The following ARHGEF3 variants were observed in gnomAD, a reference collection of about 807,000 sequenced individuals.
The protein encoded by ARHGEF3 is 59.8 kDA protein.
Under a neutral mutation model 63.2 loss-of-function variants are expected in ARHGEF3, and 28 were observed. The observed-to-expected ratio is 0.44, with a 90% CI of 0.33 to 0.61. ARHGEF3 has a LOEUF of 0.61. Ranked by LOEUF, ARHGEF3 falls within the 20% of genes least tolerant of loss-of-function variation. The pLI, the probability that ARHGEF3 is intolerant of heterozygous loss-of-function variation, is 0.03. For missense variants in ARHGEF3, 533 were observed against 659.3 expected, an observed-to-expected ratio of 0.81 and a Z score of 2.10; for synonymous variants, 266 against 254.2, an observed-to-expected ratio of 1.05 and a Z score of -0.44.
At chr3:56,841,165 A>G (rs2039296566) in intron 4 of ARHGEF3, among the ~76,000 whole-genome samples, 1 of 152,188 alleles carries the variant, frequency 6.6e-6, no homozygotes, top group Non-Finnish European at 1.5e-5. Flanking sequence ...AGACCCCTAG[A>G]TTTGCCCACT....
At chr3:56,792,707 A>C (rs1241100117) in intron 1 of ARHGEF3, among the ~76,000 whole-genome samples, 1 of 152,268 alleles carries the variant, frequency 6.6e-6, no homozygotes, top group Non-Finnish European at 1.5e-5. Flanking sequence ...GTCATTATGA[A>C]CAACTTTGGA....
At chr3:56,887,585 T>TA (rs755262685) in intron 3 of ARHGEF3, among the ~76,000 whole-genome samples, 11 of 152,256 alleles carry the variant, frequency 7.2e-5, no homozygotes, top group South Asian at 4.1e-4. Flanking sequence ...TTCCTCTGCA[T>TA]AAAAAACCAC....
At chr3:56,939,794 A>G (rs990995923) in intron 3 of ARHGEF3, 1 of 152,194 alleles carries the variant, frequency 6.6e-6, no homozygotes, top group African/African-American at 2.4e-5. Context: ...CAGGATGATT[A>G]CCTTTTATGA....
chr3:56,932,379 C>CT (rs1057261274), intron 3 of ARHGEF3, among the ~76,000 whole-genome samples: 1 of 152,050 alleles, frequency 6.6e-6, no homozygotes, highest in Non-Finnish European at 1.5e-5. Flanking sequence ...CTCTCAAGTG[C>CT]TTTTTTTCAT....
At chr3:56,977,764 C>T (rs1560102954) in intron 2 of ARHGEF3, among the ~76,000 whole-genome samples, 2 of 152,162 alleles carry the variant, frequency 1.3e-5, no homozygotes, top group South Asian at 2.1e-4. Context: ...CAAATGGGTT[C>T]GGCCTCTAGG....
chr3:56,863,247 C>T (rs1280994299), intron 4 of ARHGEF3, among the ~76,000 whole-genome samples: 1 of 151,768 alleles, frequency 6.6e-6, no homozygotes, highest in Non-Finnish European at 1.5e-5. Context: ...AAGCAGTTCT[C>T]ATGCCTCAGC....
chr3:56,888,903 C>CA (rs61452676), intron 3 of ARHGEF3, among the ~76,000 whole-genome samples: 7,404 of 135,584 alleles, frequency 0.055, 605 homozygotes, highest in African/African-American at 0.18. Context: ...AACTCCATCT[C>CA]AAAAAAAAAC....
chr3:56,865,918 A>T (rs1022364144), intron 4 of ARHGEF3, among the ~76,000 whole-genome samples: 3 of 152,168 alleles, frequency 2.0e-5, no homozygotes, highest in African/African-American at 4.8e-5. Flanking sequence ...CCAAAGAAAG[A>T]CAGACATCCT....
At chr3:56,866,940 A>G (rs2040270851) in intron 4 of ARHGEF3, among the ~76,000 whole-genome samples, 2 of 152,252 alleles carry the variant, frequency 1.3e-5, no homozygotes, top group South Asian at 4.1e-4. Context: ...TTCCACATCC[A>G]TATGAAATCA....
chr3:57,019,739 C>G (rs1261160352), intron 2 of ARHGEF3, among the ~76,000 whole-genome samples: 1 of 152,134 alleles, frequency 6.6e-6, no homozygotes, highest in Non-Finnish European at 1.5e-5. Context: ...CTTCTAAGTT[C>G]ATTATGAAAA....
rs542083887 is a variant in ARHGEF3 at position 57,007,024 on chromosome 3, C to T, written c.62+28064G>A. ...CTGCCCGTGGAGGGGCCACAGGGGG[C>T]GCTCCTGGGGCGATGGTCACACTGT... On this transcript the variant is annotated intron_variant, in intron 2 of 12. Coordinates refer to the ARHGEF3 transcript ENST00000338458. Among the ~76,000 whole-genome samples, 186 of 152,274 alleles carry T rather than the reference C, an allele frequency of 1.2e-3. 1 individual carries two copies. The highest frequency in any genetic ancestry group is 4.4e-3 in the African/African-American group (181 of 41,554).
intron 1 of ARHGEF3, chr3:56,775,088 C>A (rs763630398): frequency 6.4e-7 from 1 of 1,551,204 alleles, no homozygotes; most frequent in South Asian, 1.2e-5. Flanking sequence ...CCAAAGTAGC[C>A]AATTGTGGTG....
intron 3 of ARHGEF3, among the ~76,000 whole-genome samples, chr3:56,939,522 A>T (rs544225709): frequency 6.6e-6 from 1 of 152,242 alleles, no homozygotes; most frequent in African/African-American, 2.4e-5. Flanking sequence ...AAAACCCCTG[A>T]CTGAACCCCA....
chr3:56,864,455 G>C (rs556462950), intron 4 of ARHGEF3, among the ~76,000 whole-genome samples: 2 of 152,262 alleles, frequency 1.3e-5, no homozygotes, highest in South Asian at 4.1e-4. Flanking sequence ...TTCATGACTA[G>C]GTCAAGCTCC....
rs2034999165 is a variant in ARHGEF3, at chr3:56,755,228, G to A, written c.205-77C>T. The A allele has an allele frequency of 2.7e-6, 4 of 1,455,144 alleles. No homozygotes were observed. In the South Asian group the frequency reaches 4.7e-5, roughly 17 times the overall value. The allele number at this position is 1,455,144 out of a possible 1,614,324, so 90.1% of individuals were successfully genotyped here. ...GATCTTTGAGCAGTTTCCTGTCGTT[G>A]ACGGAACATAAATCATATATGTGAA... is the stretch of plus-strand genomic sequence containing the variant. On this transcript the variant is annotated intron_variant, in intron 2 of 9. Transcript: ENST00000296315.
chr3:56,762,271 G>A lies in ARHGEF3; in HGVS notation c.205-7120C>T, dbSNP rs114815521. On this transcript the variant is annotated intron_variant, in intron 2 of 9. Coordinates refer to ENST00000296315, the MANE Select transcript of ARHGEF3 (RefSeq NM_019555.3). ...CCCTGGGTGTGGGGATGCTGGGACC[G>A]GAGTGAAAAATATTCCAGGACAAGC... 9.9e-3 allele frequency among the ~76,000 whole-genome samples: 1,506 copies of A among 152,210 alleles called. 27 individuals carry two copies. Among genetic ancestry groups the A allele is most frequent in the African/African-American group, 0.035 (1,437 of 41,536 alleles).
intron 3 of ARHGEF3, among the ~76,000 whole-genome samples, chr3:56,955,266 G>A (rs978876438): frequency 1.3e-5 from 2 of 148,454 alleles, no homozygotes; most frequent in Non-Finnish European, 3.0e-5. Flanking sequence ...TGCAACCATC[G>A]CTCCCTGCAG....
rs757391138 is a variant in ARHGEF3 at position 56,751,344 on chromosome 3, T to C, written c.491A>G (p.Asn164Ser). 5.0e-6 allele frequency: 8 copies of C among 1,614,040 alleles called. No homozygotes were observed. Among genetic ancestry groups the C allele is most frequent in the Non-Finnish European group, 6.8e-6 (8 of 1,180,004 alleles). ...KLSIMTEQEL[N>S]QIFGTLDSLI... ...AGAGTCCAGTGTTCCAAAAATTTGA[T>C]TCAACTCTTGTTCTGTCATTATGGA... Residue 164 changes from asparagine to serine, a missense_variant, in exon 5 of 10, where the codon AAT (asparagine) becomes AGT (serine). Transcript: ENST00000296315.
intron 4 of ARHGEF3, among the ~76,000 whole-genome samples, chr3:56,832,919 G>A (rs531582690): frequency 3.3e-5 from 5 of 152,306 alleles, no homozygotes; most frequent in African/African-American, 7.2e-5. Context: ...TTGGCATAGC[G>A]TGTCTAAGGT....
Sources: allele counts gnomAD v4.1 joint callset (sites outside exome capture counted in the v4.1 genomes callset), GRCh38; gene constraint gnomAD v4.1.1; transcripts MANE v1.5; gene names NCBI Gene and HGNC (gene_info 2026-07-23, HGNC 2026-07-21).